STPG1: variants seen among roughly 807,000 people sequenced by gnomAD.
STPG1 encodes sperm tail PG-rich repeat containing 1.
Under a neutral mutation model 40.1 loss-of-function variants are expected in STPG1, and 33 were observed. The ratio of observed to expected loss-of-function variants is 0.82; its 90% CI spans 0.62 to 1.10. The LOEUF (loss-of-function observed/expected upper bound fraction) is 1.10, where lower values mean the gene tolerates loss of function less well. Ranked by LOEUF, STPG1 falls within the 50% of genes least tolerant of loss-of-function variation. The pLI is 0.00. For missense variants in STPG1, 396 were observed against 415.1 expected, an observed-to-expected ratio of 0.95 and a Z score of 0.40; for synonymous variants, 150 against 155.0, an observed-to-expected ratio of 0.97 and a Z score of 0.24.
intron 3 of STPG1, among the ~76,000 whole-genome samples, chr1:24,390,141 T>C (rs1642697848): frequency 6.6e-6 from 1 of 152,172 alleles, no homozygotes; most frequent in Non-Finnish European, 1.5e-5. Context: ...GCAAAAGATA[T>C]GTGAAATGAG....
chr1:24,392,288 T>C (rs756642811), intron 2 of STPG1, among the ~76,000 whole-genome samples: 4 of 152,256 alleles, frequency 2.6e-5, no homozygotes, highest in Non-Finnish European at 4.4e-5. Context: ...GCATGTCTGA[T>C]GTATAAACTC....
rs1439467299 is a variant in STPG1 at position 24,388,994 on chromosome 1, C to A, written c.189+2567G>T. The stretch of plus-strand genomic sequence containing the variant: ...GAAAGCCTGATTGATGGATCCCCTG[C>A]CCTTTCCATAAAATTCCATCCTTAT... On this transcript the variant is annotated intron_variant, in intron 3 of 8. Coordinates refer to ENST00000337248, the MANE Select transcript of STPG1 (RefSeq NM_001199013.2). Among the ~76,000 whole-genome samples the A allele has an allele frequency of 2.6e-5, 4 of 152,146 alleles. No individual in the cohort carries two copies. The East Asian group carries it at 7.7e-4, about 29-fold the overall frequency.
intron 3 of STPG1, among the ~76,000 whole-genome samples, chr1:24,390,346 G>A (rs1340901075): frequency 6.6e-6 from 1 of 152,156 alleles, no homozygotes; most frequent in African/African-American, 2.4e-5. Flanking sequence ...AGGTTAGAGA[G>A]GAAAAGAGAT....
chr1:24,414,368 G>GAGAA (rs1643914727), upstream of STPG1: 1 of 142,320 alleles, frequency 7.0e-6, no homozygotes, highest in African/African-American at 2.6e-5. Context: ...TCTAACAGAA[G>GAGAA]AAAAAAAAAA....
chr1:24,369,980 A>G, intron 6 of STPG1, 141 bp from the exon 7 acceptor site: 1 of 599,500 alleles, frequency 1.7e-6, no homozygotes, highest in Non-Finnish European at 2.8e-6. Context: ...TGACTGAGAT[A>G]GCCAAAAACA....
chr1:24,406,134 T>C (rs1264138543), intron 1 of STPG1, among the ~76,000 whole-genome samples: 1 of 151,860 alleles, frequency 6.6e-6, no homozygotes, highest in African/African-American at 2.4e-5. Flanking sequence ...CCCTTGTCTC[T>C]TTTTTTTGGA....
At chr1:24,367,294 C>A (rs1181940047) in intron 7 of STPG1, among the ~76,000 whole-genome samples, 4 of 152,180 alleles carry the variant, frequency 2.6e-5, no homozygotes, top group Admixed American at 2.6e-4. Context: ...GATCTCAAAC[C>A]ACCTGTTCAA....
chr1:24,402,816 G>T (rs1379805548), intron 1 of STPG1, among the ~76,000 whole-genome samples: 1 of 151,808 alleles, frequency 6.6e-6, no homozygotes, highest in Non-Finnish European at 1.5e-5. Flanking sequence ...ATTTAATTGG[G>T]TTATTTATTG....
chr1:24,366,665 C>A (rs1641484180), intron 7 of STPG1, among the ~76,000 whole-genome samples: 1 of 152,128 alleles, frequency 6.6e-6, no homozygotes, highest in Non-Finnish European at 1.5e-5. Flanking sequence ...GTTCGTTGTC[C>A]CCTGTGTGCT....
chr1:24,376,659 G>A (rs556233928), intron 5 of STPG1, among the ~76,000 whole-genome samples: 151 of 152,294 alleles, frequency 9.9e-4, no homozygotes, highest in Middle Eastern at 3.4e-3. Flanking sequence ...TGAAGGAGTA[G>A]ACAGTGATTC....
At chr1:24,396,470 T>C (rs1238967919) in intron 2 of STPG1, among the ~76,000 whole-genome samples, 1 of 152,186 alleles carries the variant, frequency 6.6e-6, no homozygotes, top group Non-Finnish European at 1.5e-5. Flanking sequence ...CCACCATGCC[T>C]GGCTAGATAG....
intron 5 of STPG1, among the ~76,000 whole-genome samples, chr1:24,377,997 G>A (rs1288764214): frequency 6.8e-6 from 1 of 147,282 alleles, no homozygotes; most frequent in Non-Finnish European, 1.5e-5. Flanking sequence ...CTTAGTACAT[G>A]AGAAGTGCTT....
At chr1:24,397,904 A>G (rs1643072750) in intron 2 of STPG1, among the ~76,000 whole-genome samples, 1 of 152,178 alleles carries the variant, frequency 6.6e-6, no homozygotes, top group Admixed American at 6.5e-5. Flanking sequence ...TGCTATGAGC[A>G]TTTTATCTAC....
intron 2 of STPG1, among the ~76,000 whole-genome samples, chr1:24,395,148 C>T (rs1570075851): frequency 6.6e-6 from 1 of 151,726 alleles, no homozygotes; most frequent in African/African-American, 2.4e-5. Flanking sequence ...GAAAACAACA[C>T]CTTTAAGGCA....
At chr1:24,377,461 G>A (rs1642081731) in intron 5 of STPG1, among the ~76,000 whole-genome samples, 1 of 151,914 alleles carries the variant, frequency 6.6e-6, no homozygotes, top group South Asian at 2.1e-4. Context: ...TCGTGGGCTG[G>A]GCTCCTTGCT....
rs542969 is a variant in STPG1, at chr1:24,363,924, A to G, written c.738-2883T>C. ...GACTGCCTTCAACCCTCCATTCACCAGTGATTTCCTGGGTTGTTCACTTGC... is the reference window on the plus strand; with the variant it reads ...GACTGCCTTCAACCCTCCATTCACCGGTGATTTCCTGGGTTGTTCACTTGC... On this transcript the variant is annotated intron_variant, in intron 7 of 8. Transcript: ENST00000337248. 0.71 allele frequency among the ~76,000 whole-genome samples: 108,293 copies of G among 152,010 alleles called. 38,753 individuals carry two copies. Among genetic ancestry groups the G allele is most frequent in the East Asian group, 0.87 (4,490 of 5,170 alleles).
chr1:24,393,862 G>C (rs1028463413), intron 2 of STPG1, among the ~76,000 whole-genome samples: 1 of 152,222 alleles, frequency 6.6e-6, no homozygotes, highest in African/African-American at 2.4e-5. Flanking sequence ...ATGGTCCCCA[G>C]CTTTCTGCCA....
chr1:24,410,424 C>G (rs1006249542), intron 1 of STPG1, among the ~76,000 whole-genome samples: 1 of 152,174 alleles, frequency 6.6e-6, no homozygotes, highest in South Asian at 2.1e-4. Context: ...TCCTGGCTAA[C>G]ACAGTGAAAC....
chr1:24,395,428 A>ATTTTTTTTTTTTTTTTTTTTT (rs71577706), intron 2 of STPG1, among the ~76,000 whole-genome samples: 1 of 128,068 alleles, frequency 7.8e-6, no homozygotes, highest in African/African-American at 3.0e-5. Flanking sequence ...AAATTGAACA[A>ATTTTTTTTTTTTTTTTTTTTT]TTTTTTTTTT....
Sources: allele counts gnomAD v4.1 joint callset (sites outside exome capture counted in the v4.1 genomes callset), GRCh38; gene constraint gnomAD v4.1.1; transcripts MANE v1.5; gene names NCBI Gene and HGNC (gene_info 2026-07-23, HGNC 2026-07-21).